The following ADAMTSL1 variants were observed in gnomAD, a reference collection of about 807,000 sequenced individuals.
ADAMTSL1 encodes the protein ADAMTS like 1.
In ADAMTSL1, 126 loss-of-function variants were observed where a neutral mutation model predicts 201.8. The ratio of observed to expected loss-of-function variants is 0.62; its 90% CI spans 0.54 to 0.72. The LOEUF (loss-of-function observed/expected upper bound fraction) is 0.72, where lower values mean the gene tolerates loss of function less well. Ranked by LOEUF, ADAMTSL1 falls within the 30% of genes least tolerant of loss-of-function variation. The pLI is 0.00. For missense variants in ADAMTSL1, 2,679 were observed against 2,277.8 expected (o/e 1.18, Z -3.59); for synonymous variants, 1,121 against 903.4 (o/e 1.24, Z -4.32).
At chr9:18,099,355 ATT>A (rs397893715) in intron 1 of ADAMTSL1, among the ~76,000 whole-genome samples, 1,145 of 45,358 alleles carry the variant, frequency 0.025, 40 homozygotes, top group African/African-American at 0.052. Flanking sequence ...ATATATATAT[ATT>A]TTTTTTTTTT....
intron 13 of ADAMTSL1, among the ~76,000 whole-genome samples, chr9:18,697,556 C>G (rs1053753486): frequency 6.6e-6 from 1 of 152,124 alleles, no homozygotes; most frequent in Non-Finnish European, 1.5e-5. Context: ...CCAACAATGT[C>G]ATAATGAGTT....
Position 18,574,220 on chromosome 9 carries a change from G to A in ADAMTSL1, c.428G>A (p.Arg143His), listed in dbSNP as rs769971571. The change falls in exon 4 of 29, where the codon CGT becomes CAT. Residue 143 changes from arginine (R) to histidine (H), a missense_variant. Physicochemically the swap from Arg to His is conservative, Grantham distance 29. Transcript: ENST00000380548. ...GCACCTAAGGTCTTAGATGGTACGCGTTGCTATACAGAATCTTTGGATATG... is the reference window on the plus strand; with the variant it reads ...GCACCTAAGGTCTTAGATGGTACGCATTGCTATACAGAATCTTTGGATATG... ...ELAPKVLDGT[R>H]CYTESLDMCI... 1.3e-5 allele frequency: 21 copies of A among 1,614,016 alleles called. No homozygotes were observed. Among genetic ancestry groups the A allele is most frequent in the African/African-American group, 8.0e-5 (6 of 74,916 alleles).
chr9:18,271,162 T>G (rs1210239696), intron 2 of ADAMTSL1, among the ~76,000 whole-genome samples: 1 of 152,206 alleles, frequency 6.6e-6, no homozygotes, highest in African/African-American at 2.4e-5. Flanking sequence ...ACAAAGGTAT[T>G]ATGAAATCAG....
intron 1 of ADAMTSL1, among the ~76,000 whole-genome samples, chr9:18,163,476 C>T (rs1439896901): frequency 6.6e-6 from 1 of 151,910 alleles, no homozygotes; most frequent in African/African-American, 2.4e-5. Context: ...CATCTAGGTG[C>T]TGGGATCTAT....
At chr9:18,191,827 A>C (rs1355831319) in intron 2 of ADAMTSL1, among the ~76,000 whole-genome samples, 1 of 152,176 alleles carries the variant, frequency 6.6e-6, no homozygotes, top group East Asian at 1.9e-4. Flanking sequence ...TTATGCCCAT[A>C]TTCTCTCTCC....
At chr9:18,211,879 C>A (rs1331869613) in intron 2 of ADAMTSL1, among the ~76,000 whole-genome samples, 1 of 152,170 alleles carries the variant, frequency 6.6e-6, no homozygotes, top group African/African-American at 2.4e-5. Flanking sequence ...CATTCTTAGG[C>A]CAGCCCTCAA....
chr9:17,932,829 A>G (rs546158388), intron 1 of ADAMTSL1, among the ~76,000 whole-genome samples: 2 of 152,232 alleles, frequency 1.3e-5, no homozygotes, highest in South Asian at 4.1e-4. Context: ...AGCACTTTGG[A>G]ATTTCTTCAG....
intron 1 of ADAMTSL1, among the ~76,000 whole-genome samples, chr9:18,147,742 G>A (rs923768674): frequency 6.6e-6 from 1 of 152,076 alleles, no homozygotes; most frequent in Non-Finnish European, 1.5e-5. Context: ...TTATCTAGAG[G>A]CTGTTCCATT....
intron 2 of ADAMTSL1, among the ~76,000 whole-genome samples, chr9:18,339,432 A>C (rs988348802): frequency 1.3e-5 from 2 of 152,198 alleles, no homozygotes; most frequent in African/African-American, 2.4e-5. Context: ...CAGAATGGCT[A>C]CTATTAAAAA....
intron 23 of ADAMTSL1, among the ~76,000 whole-genome samples, chr9:18,837,552 A>C (rs1235887218): frequency 6.6e-6 from 1 of 152,224 alleles, no homozygotes; most frequent in East Asian, 1.9e-4. Context: ...AGCCTCAGAC[A>C]CTGGTACTTC....
chr9:18,432,606 A>C (rs898365767), intron 2 of ADAMTSL1, among the ~76,000 whole-genome samples: 1 of 152,180 alleles, frequency 6.6e-6, no homozygotes, highest in Non-Finnish European at 1.5e-5. Flanking sequence ...ATATAGTAGA[A>C]ATGAGCACTA....
At chr9:18,188,477 A>G (rs1364264259) in intron 2 of ADAMTSL1, among the ~76,000 whole-genome samples, 1 of 152,186 alleles carries the variant, frequency 6.6e-6, no homozygotes, top group Non-Finnish European at 1.5e-5. Flanking sequence ...TTGTCTTCAA[A>G]TAGGTATACT....
chr9:18,338,190 G>A (rs1022021243), intron 2 of ADAMTSL1, among the ~76,000 whole-genome samples: 12 of 151,996 alleles, frequency 7.9e-5, no homozygotes, highest in African/African-American at 2.7e-4. Context: ...TTTTTTAAAT[G>A]ATGTCTTCAA....
intron 2 of ADAMTSL1, among the ~76,000 whole-genome samples, chr9:18,451,098 T>A (rs143767724): frequency 6.6e-6 from 1 of 152,174 alleles, no homozygotes; most frequent in Non-Finnish European, 1.5e-5. Context: ...AGAAGGGGGA[T>A]TGGGATAGGA....
At chr9:18,085,260 G>T (rs1361303179) in intron 1 of ADAMTSL1, among the ~76,000 whole-genome samples, 1 of 152,074 alleles carries the variant, frequency 6.6e-6, no homozygotes, top group Non-Finnish European at 1.5e-5. Context: ...CCTGGGTTTG[G>T]ATCCCAGCTT....
At chr9:18,742,730 G>GTA (rs148506124) in intron 15 of ADAMTSL1, among the ~76,000 whole-genome samples, 5,767 of 152,212 alleles carry the variant, frequency 0.038, 129 homozygotes, top group African/African-American at 0.063. Flanking sequence ...AACTCACTCT[G>GTA]TATAAAGGAG....
intron 16 of ADAMTSL1, among the ~76,000 whole-genome samples, chr9:18,757,562 C>T (rs151089783): frequency 1.3e-5 from 2 of 152,066 alleles, no homozygotes; most frequent in African/African-American, 4.8e-5. Flanking sequence ...AGGCATGGCT[C>T]TCCCATCCCT....
intron 1 of ADAMTSL1, among the ~76,000 whole-genome samples, chr9:18,491,685 T>A (rs964863534): frequency 1.3e-5 from 2 of 152,228 alleles, no homozygotes; most frequent in African/African-American, 4.8e-5. Flanking sequence ...AATATCTGGA[T>A]TATATTTTTC....
intron 23 of ADAMTSL1, among the ~76,000 whole-genome samples, chr9:18,831,446 G>T (rs7859001): frequency 7.2e-5 from 11 of 152,094 alleles, no homozygotes; most frequent in Non-Finnish European, 4.4e-5. Flanking sequence ...TTCAAGTTCA[G>T]TAACTCTTTT....
Sources: allele counts gnomAD v4.1 joint callset (sites outside exome capture counted in the v4.1 genomes callset), GRCh38; gene constraint gnomAD v4.1.1; transcripts MANE v1.5; gene names NCBI Gene and HGNC (gene_info 2026-07-23, HGNC 2026-07-21).